The following NECTIN1 variants were observed in gnomAD, a reference collection of about 807,000 sequenced individuals.
NECTIN1 encodes the protein nectin-1.
A neutral mutation model predicts 48.0 loss-of-function variants in NECTIN1; 23 were observed. The ratio of observed to expected loss-of-function variants is 0.48; its 90% CI spans 0.34 to 0.68. NECTIN1 has a LOEUF of 0.68. Ranked by LOEUF, NECTIN1 falls within the 30% of genes least tolerant of loss-of-function variation. The probability of loss-of-function intolerance (pLI) is 0.01; values close to 1 mark genes in which losing one functional copy is unlikely to be tolerated. For synonymous variants in NECTIN1, 270 were observed against 288.9 expected, an observed-to-expected ratio of 0.93 and a Z score of 0.66; for missense variants, 591 against 709.9, an observed-to-expected ratio of 0.83 and a Z score of 1.90.
chr11:119,648,507 C>G (rs11217372), intron 5 of NECTIN1, among the ~76,000 whole-genome samples: 8,918 of 147,724 alleles, frequency 0.06, 397 homozygotes, highest in Non-Finnish European at 0.096. Context: ...TCATCACCCA[C>G]CATGGCTGAG....
At chr11:119,659,561 G>C (rs867331027), downstream of NECTIN1, among the ~76,000 whole-genome samples, 35 of 152,306 alleles carry the variant, frequency 2.3e-4, 1 homozygote, top group African/African-American at 7.7e-4. Context: ...GTTCTTCCAA[G>C]GCCCAACTGG....
intron 5 of NECTIN1, chr11:119,640,071 G>C: frequency 2.0e-6 from 3 of 1,506,626 alleles, no homozygotes; most frequent in Non-Finnish European, 2.7e-6. Context: ...CCCAAAGAGA[G>C]TCAGAGATGT....
Position 119,673,385 on chromosome 11 carries a change from T to C in NECTIN1, c.1003+1774A>G, listed in dbSNP as rs1864892069. On this transcript the variant is annotated intron_variant, in intron 5 of 5. Transcript: ENST00000264025. The surrounding 1 kb of genome is among the most constrained non-coding windows in gnomAD (Gnocchi z 5.8). ...GGGGCTGCCAGCAAGAGCCATGTTGTGTCCCTCTTCCAGCTGGGACCCTAG... is the reference window on the plus strand; with the variant it reads ...GGGGCTGCCAGCAAGAGCCATGTTGCGTCCCTCTTCCAGCTGGGACCCTAG... Among the ~76,000 whole-genome samples the C allele has an allele frequency of 6.6e-6, 1 of 152,164 alleles. No individual in the cohort carries two copies. Among genetic ancestry groups the C allele is most frequent in the South Asian group, 2.1e-4 (1 of 4,834 alleles).
intron 1 of NECTIN1, among the ~76,000 whole-genome samples, chr11:119,715,052 G>T (rs1305027996): frequency 1.3e-5 from 2 of 152,206 alleles, no homozygotes; most frequent in African/African-American, 2.4e-5. Context: ...CAGGGGGAAG[G>T]GGGAGCTGGG....
Position 119,677,083 on chromosome 11 carries a change from T to G in NECTIN1, c.851+19A>C. The G allele has an allele frequency of 6.2e-7, 1 of 1,604,022 alleles. No homozygotes were observed. The highest frequency in any genetic ancestry group is 8.5e-7 in the Non-Finnish European group (1 of 1,170,826). On this transcript the variant is annotated intron_variant, in intron 4 of 5. Transcript: ENST00000264025. The surrounding 1 kb of genome is among the most constrained non-coding windows in gnomAD (Gnocchi z 5.4). ...GTCAGCTGTCTTCCAAGGTGACTGG[T>G]CAGCCCTGCAGCACTTACGTGGTCC... is the stretch of plus-strand genomic sequence containing the variant.
At chr11:119,639,802 G>C (rs935731557) in intron 6 of NECTIN1, 1 of 1,608,690 alleles carries the variant, frequency 6.2e-7, no homozygotes, top group Non-Finnish European at 8.5e-7. Flanking sequence ...TAAGTCTGGG[G>C]CTCCCAGGGT....
chr11:119,704,733 G>A (rs1865518839), intron 1 of NECTIN1, among the ~76,000 whole-genome samples: 2 of 152,286 alleles, frequency 1.3e-5, no homozygotes, highest in East Asian at 3.9e-4. Context: ...CCTTGGTGGA[G>A]GTGAGAATGC....
chr11:119,686,447 C>T (rs552793169), intron 1 of NECTIN1, among the ~76,000 whole-genome samples: 2 of 152,302 alleles, frequency 1.3e-5, no homozygotes, highest in East Asian at 3.9e-4. Flanking sequence ...CAGTCTCCTG[C>T]CTCCAGCTCC....
chr11:119,686,910 C>T (rs182028543), intron 1 of NECTIN1, among the ~76,000 whole-genome samples: 347 of 152,300 alleles, frequency 2.3e-3, no homozygotes, highest in Non-Finnish European at 2.8e-3. Flanking sequence ...CAGTGCCTGG[C>T]ACATGGGAAA....
chr11:119,640,086 G>C (rs999167062), intron 5 of NECTIN1: 2 of 1,452,016 alleles, frequency 1.4e-6, no homozygotes, highest in African/African-American at 1.4e-5. Context: ...AGATGTGAGA[G>C]AGTCAGACCC....
intron 1 of NECTIN1, among the ~76,000 whole-genome samples, chr11:119,710,698 GGAC>G (rs1865628344): frequency 6.6e-6 from 1 of 152,156 alleles, no homozygotes; most frequent in Non-Finnish European, 1.5e-5. Flanking sequence ...AAGGCATGGT[GGAC>G]TGAAAGGTCA....
At chr11:119,638,354 C>A in intron 7 of NECTIN1, 1 of 1,388,726 alleles carries the variant, frequency 7.2e-7, no homozygotes. Context: ...CCATGCACCC[C>A]CATTCTGGCA....
chr11:119,661,166 C>CA lies in NECTIN1; in HGVS notation c.*3580_*3581insT. Reference sequence around the variant, plus strand: ...CAAAGGCGGAAAGGGCGACAAGACGCCGAAGCAAGGTAGCGCATCACGCTG... The same window carrying CA: ...CAAAGGCGGAAAGGGCGACAAGACGCACGAAGCAAGGTAGCGCATCACGCTG... On this transcript the variant is annotated 3_prime_UTR_variant, in exon 6 of 6. Transcript: ENST00000264025. 1.0e-6 allele frequency: 1 copy of CA among 985,830 alleles called. No individual in the cohort carries two copies. Among genetic ancestry groups the CA allele is most frequent in the Non-Finnish European group, 1.2e-6 (1 of 829,950 alleles). 61.1% of individuals were successfully genotyped at this position (985,830 alleles called of 1,614,324 possible). A position where few individuals can be genotyped will look rare whatever the true frequency, so the allele number is the denominator to read the frequency against.
At chr11:119,711,845 G>C (rs1035716121) in intron 1 of NECTIN1, among the ~76,000 whole-genome samples, 4 of 152,206 alleles carry the variant, frequency 2.6e-5, no homozygotes, top group African/African-American at 9.7e-5. Context: ...TTCTCAACTG[G>C]GGTGCTCTTG....
chr11:119,702,657 A>G (rs1865477522), intron 1 of NECTIN1, among the ~76,000 whole-genome samples: 1 of 152,212 alleles, frequency 6.6e-6, no homozygotes, highest in Non-Finnish European at 1.5e-5. Context: ...CAGCTCTGCC[A>G]CTTGCAAGCT....
intron 1 of NECTIN1, among the ~76,000 whole-genome samples, chr11:119,714,566 C>A (rs1865715447): frequency 6.6e-6 from 1 of 152,162 alleles, no homozygotes; most frequent in Admixed American, 6.5e-5. Flanking sequence ...GGGGAATGCT[C>A]CACATCCCCG....
intron 1 of NECTIN1, among the ~76,000 whole-genome samples, chr11:119,679,243 T>C (rs1008200819): frequency 2.0e-5 from 3 of 152,160 alleles, no homozygotes; most frequent in Non-Finnish European, 4.4e-5. Context: ...CTCTGTTATA[T>C]GGGGTGGAGA....
chr11:119,642,153 G>A (rs1304957596), intron 5 of NECTIN1: 1 of 135,746 alleles, frequency 7.4e-6, no homozygotes, highest in African/African-American at 2.8e-5. Flanking sequence ...GCCTGAATGT[G>A]TAGTGGGCAG....
At position 119,677,431 on chromosome 11, in the gene NECTIN1, T is replaced by C. The variant is rs889500283; in HGVS notation, c.733+124A>G. ...AGAGAAAACGAGCAAAGGGAGGAGA[T>C]AGGGGAGACAGGAGGGGAGAAGAAA... is the stretch of plus-strand genomic sequence containing the variant. On this transcript the variant is annotated intron_variant, in intron 3 of 5. Transcript: ENST00000264025. This position sits in a 1 kb window ranked among gnomAD's most constrained non-coding sequence, Gnocchi z 5.4. 6 of 1,170,812 alleles carry C rather than the reference T, an allele frequency of 5.1e-6. No individual in the cohort carries two copies. The highest frequency in any genetic ancestry group is 3.1e-5 in the African/African-American group (2 of 65,412). The allele number at this position is 1,170,812 out of a possible 1,614,324, so 72.5% of individuals were successfully genotyped here.
Sources: allele counts gnomAD v4.1 joint callset (sites outside exome capture counted in the v4.1 genomes callset), GRCh38; gene constraint gnomAD v4.1.1; non-coding constraint Gnocchi (gnomAD v3.1); transcripts MANE v1.5; gene names NCBI Gene and HGNC (gene_info 2026-07-23, HGNC 2026-07-21).